Variants in BTAF1 observed in about 807,000 individuals in gnomAD.
The protein encoded by BTAF1 is B-TFIID TATA-box binding protein associated factor 1.
BTAF1 carries 38 observed loss-of-function variants against 227.1 expected under a neutral mutation model. The ratio of observed to expected loss-of-function variants is 0.17; its 90% CI spans 0.13 to 0.22. BTAF1 has a LOEUF of 0.22. Among genes scored for constraint, BTAF1 ranks in the 10% least tolerant of loss-of-function variants. The pLI is 1.00. For missense variants in BTAF1, 1,598 were observed against 2,204.0 expected (o/e 0.73, Z 5.51); for synonymous variants, 742 against 751.9 (o/e 0.99, Z 0.21).
chr10:91,952,144 ATGTGTGTGTGTGTGTT>A (rs1162009487), intron 5 of BTAF1, among the ~76,000 whole-genome samples: 2 of 148,950 alleles, frequency 1.3e-5, no homozygotes, highest in African/African-American at 2.5e-5. Context: ...ATATATGTAT[ATGTGTGTGTGTGTGTT>A]TGTGTGTGTG....
chr10:91,968,686 C>T (rs1847090645), intron 14 of BTAF1, among the ~76,000 whole-genome samples: 1 of 152,174 alleles, frequency 6.6e-6, no homozygotes, highest in South Asian at 2.1e-4. Context: ...TATTGCTTTA[C>T]ATTCTGGCCA....
At position 92,029,833 on chromosome 10, in the gene BTAF1, A is replaced by G. The variant is rs1232623560; in HGVS notation, c.*900A>G. 2.0e-5 allele frequency: 3 copies of G among 152,478 alleles called. No individual in the cohort carries two copies. The highest frequency in any genetic ancestry group is 4.4e-5 in the Non-Finnish European group (3 of 67,934). 9.4% of individuals were successfully genotyped at this position (152,478 alleles called of 1,614,324 possible). A position where few individuals can be genotyped will look rare whatever the true frequency, so the allele number is the denominator to read the frequency against. On this transcript the variant is annotated 3_prime_UTR_variant, in exon 38 of 38. Transcript: ENST00000265990. ...AAAGGGAGAGAGAATTTCTTTATAT[A>G]CACAAACATACATGAATATGCATAT...
rs1851726570 is a variant in BTAF1 at position 92,029,081 on chromosome 10, G to A, written c.*148G>A. The A allele has an allele frequency of 1.6e-6, 1 of 629,738 alleles. No homozygotes were observed. Among genetic ancestry groups the A allele is most frequent in the Non-Finnish European group, 2.5e-6 (1 of 400,918 alleles). 39.0% of individuals were successfully genotyped at this position (629,738 alleles called of 1,614,324 possible). On this transcript the variant is annotated 3_prime_UTR_variant, in exon 38 of 38. Coordinates refer to ENST00000265990, the MANE Select transcript of BTAF1 (RefSeq NM_003972.3). ...CATAATGCTGGCTCTTGTTTCACTG[G>A]GGGAAACAAGTTATTCTCAAATATT...
intron 30 of BTAF1, among the ~76,000 whole-genome samples, chr10:92,012,478 T>TA (rs1454687944): frequency 2.0e-5 from 3 of 150,096 alleles, no homozygotes; most frequent in African/African-American, 7.4e-5. Flanking sequence ...ATCAAAAGTT[T>TA]AAAAATGTAA....
At chr10:92,011,442 A>T in intron 30 of BTAF1, 27 bp downstream of exon 30, 1 of 1,084,862 alleles carries the variant, frequency 9.2e-7, no homozygotes, top group Non-Finnish European at 1.2e-6. Context: ...ATTTTTTTTA[A>T]TTATTTTTAT....
At chr10:91,963,484 T>C (rs1202298303) in intron 12 of BTAF1, among the ~76,000 whole-genome samples, 1 of 151,910 alleles carries the variant, frequency 6.6e-6, no homozygotes, top group African/African-American at 2.4e-5. Flanking sequence ...CCGAGGCTGG[T>C]CTCAAACTCC....
intron 19 of BTAF1, among the ~76,000 whole-genome samples, chr10:91,985,385 C>G (rs543224206): frequency 6.6e-6 from 1 of 152,034 alleles, no homozygotes; most frequent in Non-Finnish European, 1.5e-5. Context: ...AAGCCATTCT[C>G]CCGTTTATGG....
chr10:92,012,079 TTCCC>T (rs1276382775), intron 30 of BTAF1, among the ~76,000 whole-genome samples: 2 of 116,386 alleles, frequency 1.7e-5, no homozygotes, highest in Admixed American at 8.7e-5. Context: ...CTCTCCCTCC[TTCCC>T]TCCCTCCCTC....
At chr10:91,929,454 CA>C in intron 1 of BTAF1, among the ~76,000 whole-genome samples, 1 of 152,252 alleles carries the variant, frequency 6.6e-6, no homozygotes, top group East Asian at 1.9e-4. Context: ...TCAGAAAAAA[CA>C]AAAACACATC....
At chr10:91,924,442 C>T (rs1843691242) in intron 1 of BTAF1, among the ~76,000 whole-genome samples, 1 of 152,134 alleles carries the variant, frequency 6.6e-6, no homozygotes, top group African/African-American at 2.4e-5. Context: ...ACCTCCATTT[C>T]ATGGGAAAAC....
intron 32 of BTAF1, among the ~76,000 whole-genome samples, chr10:92,016,100 C>T (rs1850705142): frequency 6.6e-6 from 1 of 151,982 alleles, no homozygotes; most frequent in Non-Finnish European, 1.5e-5. Flanking sequence ...TTGTATTTTT[C>T]ATATTTTGGC....
At chr10:91,959,599 T>G (rs1426245118) in intron 9 of BTAF1, among the ~76,000 whole-genome samples, 186 bp from the exon 10 acceptor site, 2 of 151,864 alleles carry the variant, frequency 1.3e-5, no homozygotes, top group South Asian at 2.1e-4. Context: ...ACTTTTTGGT[T>G]GTTGTTCCTA....
intron 20 of BTAF1, 147 bp downstream of exon 20, chr10:91,989,727 T>C: frequency 1.2e-6 from 1 of 830,106 alleles, no homozygotes; most frequent in Non-Finnish European, 1.8e-6. Context: ...AACAAAACTC[T>C]TTGTTACATG....
At chr10:92,026,513 G>T in intron 35 of BTAF1, 79 bp from the exon 36 acceptor site, 2 of 1,170,488 alleles carry the variant, frequency 1.7e-6, no homozygotes, top group Non-Finnish European at 1.2e-6. Context: ...ATTTTCATTT[G>T]TGCTCTTTAA....
intron 8 of BTAF1, 89 bp from the exon 9 acceptor site, chr10:91,958,976 A>C: frequency 8.8e-7 from 1 of 1,140,896 alleles, no homozygotes; most frequent in Middle Eastern, 2.0e-4. Context: ...TTTCTTAAAA[A>C]TCCAGTATCC....
In BTAF1 at chr10:92,029,868, T is replaced by C. The variant is rs1851781081; in HGVS notation, c.*935T>C. On this transcript the variant is annotated 3_prime_UTR_variant, in exon 38 of 38. Transcript: ENST00000265990. ...ACATGAATATGCATATCTATATGCA[T>C]AGATGTACCTATCCTGCACCCAAAA... The C allele has an allele frequency of 6.6e-6, 1 of 152,506 alleles. No individual in the cohort carries two copies. The highest frequency in any genetic ancestry group is 2.1e-4 in the South Asian group (1 of 4,832). 9.4% of individuals were successfully genotyped at this position (152,506 alleles called of 1,614,324 possible).
Position 92,026,549 on chromosome 10 carries a change from G to T in BTAF1, c.5076-43G>T, listed in dbSNP as rs1298483325. 4.7e-6 allele frequency: 7 copies of T among 1,489,696 alleles called. No homozygotes were observed. The African/African-American group carries it at 8.4e-5, about 18-fold the overall frequency. 92.3% of individuals were successfully genotyped at this position (1,489,696 alleles called of 1,614,324 possible). On this transcript the variant is annotated intron_variant, in intron 35 of 37. Transcript: ENST00000265990. ...TTTTTATTAACAGTTTCTGTTATAG[G>T]ACTTAAGAATGGACTAATTTTATTT...
intron 1 of BTAF1, among the ~76,000 whole-genome samples, chr10:91,927,490 A>G (rs958500723): frequency 4.6e-5 from 7 of 152,162 alleles, no homozygotes; most frequent in Non-Finnish European, 1.0e-4. Flanking sequence ...TATCAGTCAT[A>G]ATATTTATAT....
intron 33 of BTAF1, among the ~76,000 whole-genome samples, chr10:92,017,210 T>C (rs1337992444): frequency 6.6e-6 from 1 of 152,182 alleles, no homozygotes; most frequent in African/African-American, 2.4e-5. Context: ...GGTTTCTTAA[T>C]CGAGGGGCTA....
Sources: gnomAD v4.1 joint callset for allele counts (sites outside exome capture counted in the v4.1 genomes callset) on GRCh38, gnomAD v4.1.1 for gene constraint, MANE v1.5 for transcripts, NCBI Gene and HGNC (gene_info 2026-07-23, HGNC 2026-07-21) for gene names.